EYS: variants seen among roughly 807,000 people sequenced by gnomAD.
The protein encoded by EYS is EGF-like photoreceptor maintenance factor, also known as protein eyes shut homolog.
A neutral mutation model predicts 282.1 loss-of-function variants in EYS; 250 were observed. That is an observed-to-expected ratio of 0.89 (90% confidence interval 0.80 to 0.98). The LOEUF (loss-of-function observed/expected upper bound fraction) is 0.98, where lower values mean the gene tolerates loss of function less well. EYS is among the 50% of genes least tolerant of loss of function. EYS has a pLI of 0.00. For synonymous variants in EYS, 1,355 were observed against 1,282.9 expected (o/e 1.06, Z -1.20); for missense variants, 4,016 against 3,709.0 (o/e 1.08, Z -2.15).
rs1245191336 is a variant in EYS, at chr6:64,591,402, G to A, written c.4465C>T (p.Pro1489Ser). The change falls in exon 26 of 43, where the codon CCC (proline) becomes TCC (serine). Residue 1489 changes from proline (P) to serine (S), a missense_variant. Physicochemically the swap from Pro to Ser is moderately conservative, Grantham distance 74. Coordinates refer to ENST00000503581, the MANE Select transcript of EYS (RefSeq NM_001142800.2). ...SRREHWRLLS[P>S]SMSPIFPAKV... ...GCAGGAAAAATGGGAGACATCGAGG[G>A]GCTGAGCAATCTCCAGTGCTCTCTT... The A allele has an allele frequency of 5.8e-6, 9 of 1,551,160 alleles. No homozygotes were observed. Among genetic ancestry groups the A allele is most frequent in the Non-Finnish European group, 7.8e-6 (9 of 1,146,678 alleles).
intron 11 of EYS, among the ~76,000 whole-genome samples, chr6:65,325,258 A>T (rs1562097256): frequency 6.6e-6 from 1 of 151,760 alleles, no homozygotes; most frequent in Non-Finnish European, 1.5e-5. Context: ...TAGCTGTGAT[A>T]TTTTTTGTCC....
At chr6:65,626,237 T>C (rs558055124) in intron 2 of EYS, among the ~76,000 whole-genome samples, 4 of 152,338 alleles carry the variant, frequency 2.6e-5, no homozygotes, top group South Asian at 2.1e-4. Context: ...ATTTGGTTCT[T>C]GTATTTGTAG....
intron 29 of EYS, among the ~76,000 whole-genome samples, chr6:64,387,667 A>G (rs1053740949): frequency 1.3e-5 from 2 of 152,118 alleles, no homozygotes; most frequent in African/African-American, 4.8e-5. Flanking sequence ...GAATGGTTTC[A>G]TTTACGAAAA....
At chr6:64,046,079 A>G (rs1005259625) in intron 33 of EYS, among the ~76,000 whole-genome samples, 2 of 147,998 alleles carry the variant, frequency 1.4e-5, no homozygotes, top group South Asian at 4.2e-4. Flanking sequence ...TATATAATAA[A>G]TATCTTACAT....
At chr6:64,948,087 G>A (rs1156682838) in intron 14 of EYS, among the ~76,000 whole-genome samples, 1 of 150,842 alleles carries the variant, frequency 6.6e-6, no homozygotes, top group Non-Finnish European at 1.5e-5. Flanking sequence ...TCAATTTCAG[G>A]GTATCATTAT....
chr6:65,019,580 T>C (rs1378104674), intron 13 of EYS, among the ~76,000 whole-genome samples: 3 of 152,192 alleles, frequency 2.0e-5, no homozygotes, highest in Non-Finnish European at 4.4e-5. Context: ...TAAGGTATGT[T>C]AAGCATTTCA....
chr6:63,741,099 G>A (rs1363586250), intron 41 of EYS, among the ~76,000 whole-genome samples: 2 of 152,138 alleles, frequency 1.3e-5, no homozygotes, highest in Non-Finnish European at 2.9e-5. Flanking sequence ...AATAGCTTCA[G>A]GGATGGTCAG....
At chr6:64,932,818 A>G (rs62416461) in intron 15 of EYS, among the ~76,000 whole-genome samples, 44 of 152,000 alleles carry the variant, frequency 2.9e-4, no homozygotes, top group Non-Finnish European at 5.7e-4. Context: ...TTAGCTGACC[A>G]CTAAGTTAAT....
chr6:64,431,458 G>A (rs373219909), intron 28 of EYS, among the ~76,000 whole-genome samples: 8 of 152,162 alleles, frequency 5.3e-5, no homozygotes, highest in South Asian at 4.2e-4. Flanking sequence ...CCATAAAAGA[G>A]CCCACTAATT....
At chr6:65,564,451 G>A (rs1461395635) in intron 2 of EYS, among the ~76,000 whole-genome samples, 1 of 152,030 alleles carries the variant, frequency 6.6e-6, no homozygotes, top group Non-Finnish European at 1.5e-5. Flanking sequence ...ACAGAACAGA[G>A]GCCTCAGAAG....
At chr6:64,656,978 T>C (rs1268086785) in intron 22 of EYS, among the ~76,000 whole-genome samples, 3 of 152,178 alleles carry the variant, frequency 2.0e-5, no homozygotes, top group African/African-American at 7.2e-5. Flanking sequence ...ATTATTATTG[T>C]GTGGGAGTCT....
intron 33 of EYS, among the ~76,000 whole-genome samples, chr6:64,000,844 CTG>C (rs2149803928): frequency 6.6e-6 from 1 of 152,216 alleles, no homozygotes; most frequent in African/African-American, 2.4e-5. Context: ...GATCAGGTCA[CTG>C]TTAAAAATTC....
chr6:64,058,055 A>C (rs1308702328), intron 33 of EYS, among the ~76,000 whole-genome samples: 1 of 151,962 alleles, frequency 6.6e-6, no homozygotes, highest in Non-Finnish European at 1.5e-5. Flanking sequence ...TAATCTTCCT[A>C]TGTTGTGGGA....
chr6:63,873,654 C>T lies in EYS; in HGVS notation c.7056-9296G>A, dbSNP rs546053643. 9.7e-4 allele frequency among the ~76,000 whole-genome samples: 147 copies of T among 152,268 alleles called. 1 individual carries two copies. Among genetic ancestry groups the T allele is most frequent in the Admixed American group, 1.6e-3 (25 of 15,286 alleles). Reference sequence around the variant, plus strand: ...AAGTATTCCTATTTCTCCACATCCTCTCCAGCACCTGTTGTTTCCTGACTT... The same window carrying T: ...AAGTATTCCTATTTCTCCACATCCTTTCCAGCACCTGTTGTTTCCTGACTT... On this transcript the variant is annotated intron_variant, in intron 35 of 42. Transcript: ENST00000503581.
intron 29 of EYS, among the ~76,000 whole-genome samples, chr6:64,334,757 G>T (rs753915415): frequency 2.0e-5 from 3 of 152,150 alleles, no homozygotes; most frequent in Non-Finnish European, 4.4e-5. Context: ...TCAATGAATT[G>T]CTGCTTACAA....
At chr6:64,307,636 A>G (rs1766897375) in intron 29 of EYS, among the ~76,000 whole-genome samples, 1 of 152,082 alleles carries the variant, frequency 6.6e-6, no homozygotes, top group Non-Finnish European at 1.5e-5. Context: ...CTACAGACCT[A>G]ATGTGTAACA....
In EYS at chr6:65,224,021, A is replaced by G. The variant is rs190819706; in HGVS notation, c.2023+71842T>C. 3.3e-5 allele frequency among the ~76,000 whole-genome samples: 5 copies of G among 152,266 alleles called. No homozygotes were observed. In the East Asian group the frequency reaches 9.7e-4, roughly 29 times the overall value. On this transcript the variant is annotated intron_variant, in intron 12 of 42. Transcript: ENST00000503581. ...TCAGACAAGTTGGTAACCAGTGCAC[A>G]ATGAAGTTGCTTGACAAGATGACTT...
chr6:64,452,881 T>C (rs539273805), intron 26 of EYS, among the ~76,000 whole-genome samples: 1 of 152,178 alleles, frequency 6.6e-6, no homozygotes, highest in Non-Finnish European at 1.5e-5. Context: ...AAGACTTAAA[T>C]GTTAGACCTG....
At chr6:64,966,736 C>T (rs1770107299) in intron 14 of EYS, among the ~76,000 whole-genome samples, 1 of 152,164 alleles carries the variant, frequency 6.6e-6, no homozygotes, top group Non-Finnish European at 1.5e-5. Context: ...TTTCTGCTTC[C>T]CTCTGATAAG....
Sources: gnomAD v4.1 joint callset for allele counts (sites outside exome capture counted in the v4.1 genomes callset) on GRCh38, gnomAD v4.1.1 for gene constraint, MANE v1.5 for transcripts, NCBI Gene and HGNC (gene_info 2026-07-23, HGNC 2026-07-21) for gene names.